Variants in DOCK3 observed in about 807,000 individuals in gnomAD.
DOCK3 encodes the protein dedicator of cytokinesis protein 3.
A neutral mutation model predicts 265.6 loss-of-function variants in DOCK3; 60 were observed. The observed-to-expected ratio is 0.23, with a 90% CI of 0.18 to 0.28. DOCK3 has a LOEUF of 0.28. Ranked by LOEUF, DOCK3 falls within the 10% of genes least tolerant of loss-of-function variation. DOCK3 has a pLI of 1.00. For missense variants in DOCK3, 1,981 were observed against 2,594.3 expected (o/e 0.76, Z 5.14); for synonymous variants, 881 against 938.0 (o/e 0.94, Z 1.11).
intron 1 of DOCK3, among the ~76,000 whole-genome samples, chr3:50,694,824 C>CA (rs1293288250): frequency 1.3e-5 from 2 of 151,834 alleles, no homozygotes; most frequent in Non-Finnish European, 2.9e-5. Flanking sequence ...AACAAACAAA[C>CA]AAAAAAACAA....
intron 27 of DOCK3, among the ~76,000 whole-genome samples, chr3:51,288,489 C>T (rs1479066252): frequency 6.6e-6 from 1 of 151,778 alleles, no homozygotes; most frequent in East Asian, 1.9e-4. Flanking sequence ...AACTACCTAT[C>T]AGGTACTGTG....
intron 9 of DOCK3, among the ~76,000 whole-genome samples, chr3:51,117,940 T>TAA (rs1373819712): frequency 3.9e-5 from 6 of 152,184 alleles, no homozygotes; most frequent in African/African-American, 7.2e-5. Context: ...TGAAGAGAAT[T>TAA]TTGTGTCTCT....
intron 2 of DOCK3, among the ~76,000 whole-genome samples, chr3:50,824,418 G>C (rs540184777): frequency 6.6e-6 from 1 of 152,326 alleles, no homozygotes; most frequent in South Asian, 2.1e-4. Context: ...AAGATAGCCT[G>C]TGGTAGGCAA....
At chr3:51,007,774 A>T (rs2078744337) in intron 5 of DOCK3, among the ~76,000 whole-genome samples, 1 of 152,090 alleles carries the variant, frequency 6.6e-6, no homozygotes, top group African/African-American at 2.4e-5. Flanking sequence ...TAAGTCTTTA[A>T]TCCATCTTGA....
intron 23 of DOCK3, among the ~76,000 whole-genome samples, chr3:51,265,730 C>T (rs2080126134): frequency 6.6e-6 from 1 of 152,076 alleles, no homozygotes; most frequent in Admixed American, 6.5e-5. Flanking sequence ...TATGACAAAC[C>T]CACAGCCAAT....
At chr3:51,188,890 G>T (rs1230103913) in intron 12 of DOCK3, among the ~76,000 whole-genome samples, 1 of 152,130 alleles carries the variant, frequency 6.6e-6, no homozygotes, top group African/African-American at 2.4e-5. Context: ...TGTGAATAGT[G>T]CTGCAATAAA....
At chr3:50,701,480 ATGTTAGTCACT>A (rs71631070) in intron 1 of DOCK3, among the ~76,000 whole-genome samples, 14,343 of 152,066 alleles carry the variant, frequency 0.094, 829 homozygotes, top group Non-Finnish European at 0.12. Flanking sequence ...TATATTCTGT[ATGTTAGTCACT>A]TATCAGATAA....
intron 35 of DOCK3, 78 bp downstream of exon 35, chr3:51,333,331 A>G: frequency 7.1e-7 from 1 of 1,400,950 alleles, no homozygotes; most frequent in Non-Finnish European, 1.0e-6. Context: ...TGACCTGAAA[A>G]CTGAGACCAT....
chr3:51,201,756 G>A (rs1350899122), intron 12 of DOCK3, among the ~76,000 whole-genome samples: 1 of 151,966 alleles, frequency 6.6e-6, no homozygotes, highest in African/African-American at 2.4e-5. Flanking sequence ...TTCCAAAATT[G>A]ACCACATAGT....
intron 22 of DOCK3, among the ~76,000 whole-genome samples, chr3:51,254,474 G>A (rs2079437607): frequency 6.6e-6 from 1 of 152,138 alleles, no homozygotes; most frequent in Admixed American, 6.5e-5. Flanking sequence ...GGGTGTTAAA[G>A]TCTCCCATTG....
At chr3:51,102,111 A>G (rs999371569) in intron 9 of DOCK3, among the ~76,000 whole-genome samples, 2 of 152,214 alleles carry the variant, frequency 1.3e-5, no homozygotes, top group Non-Finnish European at 2.9e-5. Context: ...GCTCAACTGT[A>G]AGGCCTGTGG....
chr3:51,246,163 A>T (rs981155506), intron 21 of DOCK3, among the ~76,000 whole-genome samples: 4 of 152,068 alleles, frequency 2.6e-5, no homozygotes, highest in Admixed American at 2.6e-4. Context: ...GGCTGGTGTC[A>T]GATGTTCTGA....
At chr3:51,159,215 T>C in intron 10 of DOCK3, 29 bp from the exon 11 acceptor site, 1 of 1,605,956 alleles carries the variant, frequency 6.2e-7, no homozygotes, top group Non-Finnish European at 8.5e-7. Flanking sequence ...GTGTATTCCT[T>C]GCCTGAATTT....
Position 51,237,556 on chromosome 3 carries a change from A to G in DOCK3, c.2068A>G (p.Ile690Val). Residue 690 changes from isoleucine (I) to valine (V), a missense_variant, in exon 21 of 53, where the codon ATC becomes GTC. Ile to Val is a conservative substitution (Grantham distance 29). Transcript: ENST00000266037. Reference sequence around the variant, plus strand: ...CTTTCGACCTGTGATGGACACGTATATCCAGAAGCACTTTGCTGGAGCTCT... The same window carrying G: ...CTTTCGACCTGTGATGGACACGTATGTCCAGAAGCACTTTGCTGGAGCTCT... ...FHFRPVMDTYIQKHFAGALAY... is the reference protein window; with the variant it reads ...FHFRPVMDTYVQKHFAGALAY... The G allele has an allele frequency of 6.8e-6, 11 of 1,613,744 alleles. No individual in the cohort carries two copies. Among genetic ancestry groups the G allele is most frequent in the Non-Finnish European group, 9.3e-6 (11 of 1,179,804 alleles).
At chr3:51,231,720 C>T (rs1381490851) in intron 19 of DOCK3, among the ~76,000 whole-genome samples, 1 of 152,144 alleles carries the variant, frequency 6.6e-6, no homozygotes, top group Non-Finnish European at 1.5e-5. Flanking sequence ...TCTGTTTACT[C>T]TGTTGATAGT....
At chr3:51,201,420 G>T (rs2088763925) in intron 12 of DOCK3, among the ~76,000 whole-genome samples, 2 of 151,694 alleles carry the variant, frequency 1.3e-5, no homozygotes, top group South Asian at 4.2e-4. Context: ...GATCAAAAGA[G>T]ACAAGGCCAT....
At chr3:50,861,994 C>A (rs2046938740) in intron 3 of DOCK3, among the ~76,000 whole-genome samples, 1 of 152,056 alleles carries the variant, frequency 6.6e-6, no homozygotes, top group Admixed American at 6.6e-5. Context: ...TTTGCCGTCT[C>A]AATTGTATAA....
chr3:51,161,790 A>G (rs182776399), intron 12 of DOCK3, among the ~76,000 whole-genome samples: 14 of 152,306 alleles, frequency 9.2e-5, no homozygotes, highest in Non-Finnish European at 1.6e-4. Flanking sequence ...GAATTTCTCT[A>G]TCTTTGAAAG....
intron 27 of DOCK3, among the ~76,000 whole-genome samples, chr3:51,293,259 G>T (rs1053155535): frequency 1.9e-4 from 29 of 152,126 alleles, no homozygotes; most frequent in African/African-American, 6.3e-4. Flanking sequence ...AAACACCATG[G>T]TATTGGCATA....
Sources: allele counts gnomAD v4.1 joint callset (sites outside exome capture counted in the v4.1 genomes callset), GRCh38; gene constraint gnomAD v4.1.1; transcripts MANE v1.5; gene names NCBI Gene and HGNC (gene_info 2026-07-23, HGNC 2026-07-21).